The following FBXL7 variants were observed in gnomAD, a reference collection of about 807,000 sequenced individuals.
FBXL7 encodes F-box and leucine rich repeat protein 7, also known as F-box/LRR-repeat protein 7.
FBXL7 carries 12 observed loss-of-function variants against 38.3 expected under a neutral mutation model. The observed-to-expected ratio is 0.31, with a 90% CI of 0.20 to 0.51. The LOEUF is 0.51. FBXL7 is among the 20% of genes least tolerant of loss of function. The pLI is 0.98. For missense variants in FBXL7, 567 were observed against 676.4 expected, an observed-to-expected ratio of 0.84 and a Z score of 1.79; for synonymous variants, 297 against 300.9, an observed-to-expected ratio of 0.99 and a Z score of 0.13.
chr5:15,793,698 C>G (rs1012237062), intron 2 of FBXL7, among the ~76,000 whole-genome samples: 2 of 152,116 alleles, frequency 1.3e-5, no homozygotes, highest in Admixed American at 6.5e-5. Flanking sequence ...CCTGCCTAGA[C>G]TGATTTCTTA....
chr5:15,787,625 C>G (rs1737165441), intron 2 of FBXL7, among the ~76,000 whole-genome samples: 1 of 152,170 alleles, frequency 6.6e-6, no homozygotes, highest in Admixed American at 6.5e-5. Flanking sequence ...CTGTTGTTAG[C>G]TTTAAATTAT....
At chr5:15,817,081 C>G (rs1738035249) in intron 2 of FBXL7, among the ~76,000 whole-genome samples, 1 of 152,158 alleles carries the variant, frequency 6.6e-6, no homozygotes, top group African/African-American at 2.4e-5. Flanking sequence ...CCAGATTCTA[C>G]TATAAACTTT....
In FBXL7 at chr5:15,702,900, A is replaced by G. The variant is rs561684831; in HGVS notation, c.127+86828A>G. The stretch of plus-strand genomic sequence containing the variant: ...AGATTTGGGTAGGTAAAGGAAAATT[A>G]CAGTCAAAGGGGGGTTGTTCTCTGG... On this transcript the variant is annotated intron_variant, in intron 2 of 3. Coordinates refer to ENST00000504595, the MANE Select transcript of FBXL7 (RefSeq NM_012304.5). Among the ~76,000 whole-genome samples the G allele has an allele frequency of 5.0e-3, 766 of 152,184 alleles. 5 individuals carry two copies. The highest frequency in any genetic ancestry group is 0.031 in the South Asian group (149 of 4,812).
chr5:15,558,894 A>G (rs1738328482), intron 1 of FBXL7, among the ~76,000 whole-genome samples: 2 of 152,294 alleles, frequency 1.3e-5, no homozygotes, highest in African/African-American at 4.8e-5. Context: ...CTGGGCTGTT[A>G]GTGTCAAATC....
At chr5:15,692,696 G>A (rs190783331) in intron 2 of FBXL7, among the ~76,000 whole-genome samples, 18 of 152,262 alleles carry the variant, frequency 1.2e-4, no homozygotes, top group African/African-American at 4.1e-4. Context: ...AAATGATCTT[G>A]GGGTCACAGC....
chr5:15,927,488 C>G (rs1327363501), intron 2 of FBXL7, among the ~76,000 whole-genome samples: 4 of 152,138 alleles, frequency 2.6e-5, no homozygotes, highest in Non-Finnish European at 5.9e-5. Flanking sequence ...GAAACAGGTG[C>G]TGGCCGGGCA....
intron 2 of FBXL7, among the ~76,000 whole-genome samples, chr5:15,644,161 G>T (rs1208385319): frequency 6.6e-6 from 1 of 151,972 alleles, no homozygotes; most frequent in African/African-American, 2.4e-5. Flanking sequence ...CAGCAGCAAT[G>T]TTAAAATGAT....
At chr5:15,545,393 G>A (rs1260036285) in intron 1 of FBXL7, among the ~76,000 whole-genome samples, 2 of 152,196 alleles carry the variant, frequency 1.3e-5, no homozygotes, top group African/African-American at 4.8e-5. Flanking sequence ...GGAGTAATGA[G>A]ACTGAATGCA....
intron 2 of FBXL7, among the ~76,000 whole-genome samples, chr5:15,697,949 C>G (rs1055125523): frequency 3.3e-5 from 5 of 152,170 alleles, no homozygotes; most frequent in Non-Finnish European, 5.9e-5. Flanking sequence ...AGAAATATTC[C>G]TAGTGAGACC....
intron 1 of FBXL7, among the ~76,000 whole-genome samples, chr5:15,576,452 T>C (rs1256415270): frequency 1.3e-5 from 2 of 152,192 alleles, no homozygotes; most frequent in Non-Finnish European, 2.9e-5. Context: ...TTTCCCAGAA[T>C]ATGAAGGGAG....
intron 2 of FBXL7, among the ~76,000 whole-genome samples, chr5:15,803,670 A>T (rs1320489683): frequency 6.6e-6 from 1 of 151,986 alleles, no homozygotes; most frequent in Non-Finnish European, 1.5e-5. Flanking sequence ...TTATTAGATG[A>T]CCTACCTAGC....
chr5:15,500,526 G>T lies in FBXL7; in HGVS notation c.-151G>T. The T allele has an allele frequency of 1.9e-6, 2 of 1,035,302 alleles. No individual in the cohort carries two copies. The highest frequency in any genetic ancestry group is 2.5e-5 in the South Asian group (2 of 79,318). 64.1% of individuals were successfully genotyped at this position (1,035,302 alleles called of 1,614,324 possible). A position where few individuals can be genotyped will look rare whatever the true frequency, so the allele number is the denominator to read the frequency against. ...CAGCACCCCCTCCCACTGGAGTGCGGGGACCTCTCCAGGCCGGAGGTCGGC... is the reference window on the plus strand; with the variant it reads ...CAGCACCCCCTCCCACTGGAGTGCGTGGACCTCTCCAGGCCGGAGGTCGGC... On this transcript the variant is annotated 5_prime_UTR_variant, in exon 1 of 4. Transcript: ENST00000504595.
chr5:15,504,401 T>G (rs1736589139), intron 1 of FBXL7, among the ~76,000 whole-genome samples: 1 of 152,254 alleles, frequency 6.6e-6, no homozygotes, highest in African/African-American at 2.4e-5. Context: ...CTTTTTGATC[T>G]CTCGTCTCTG....
chr5:15,638,882 C>G (rs1368622584), intron 2 of FBXL7, among the ~76,000 whole-genome samples: 2 of 152,066 alleles, frequency 1.3e-5, no homozygotes, highest in African/African-American at 4.8e-5. Flanking sequence ...GAAACTAGAT[C>G]GAGAGTAACA....
Position 15,938,927 on chromosome 5 carries a change from C to T in FBXL7, c.*1741C>T. ...CCCCACCTTTGTTACGTTGAAATCC[C>T]TCATTTATTTTCTTCTCAAAATGCC... is the stretch of plus-strand genomic sequence containing the variant. On this transcript the variant is annotated 3_prime_UTR_variant, in exon 4 of 4. Transcript: ENST00000504595. 2.5e-6 allele frequency: 1 copy of T among 398,924 alleles called. No homozygotes were observed. Among genetic ancestry groups the T allele is most frequent in the Non-Finnish European group, 4.4e-6 (1 of 226,046 alleles). The allele number at this position is 398,924 out of a possible 1,614,324, so 24.7% of individuals were successfully genotyped here. A position where few individuals can be genotyped will look rare whatever the true frequency, so the allele number is the denominator to read the frequency against.
chr5:15,706,673 T>C lies in FBXL7; in HGVS notation c.127+90601T>C, dbSNP rs575528203. Among the ~76,000 whole-genome samples, 5 of 152,242 alleles carry C rather than the reference T, an allele frequency of 3.3e-5. No homozygotes were observed. The South Asian group carries it at 1.0e-3, about 32-fold the overall frequency. ...AGATTTGTAAAATGAAAGGATTTGC[T>C]GTTGGAAAAAACAAAAAAACAAAAG... On this transcript the variant is annotated intron_variant, in intron 2 of 3. Transcript: ENST00000504595.
intron 2 of FBXL7, among the ~76,000 whole-genome samples, chr5:15,797,389 T>C (rs2126737440): frequency 6.6e-6 from 1 of 152,370 alleles, no homozygotes; most frequent in South Asian, 2.1e-4. Flanking sequence ...GGTTTGAAAG[T>C]GCTTGGCTTC....
intron 2 of FBXL7, among the ~76,000 whole-genome samples, chr5:15,737,884 G>C (rs1735795200): frequency 6.6e-6 from 1 of 152,160 alleles, no homozygotes; most frequent in Non-Finnish European, 1.5e-5. Flanking sequence ...CTGGACTTCT[G>C]TGTTACCATC....
At chr5:15,689,544 A>G (rs1743120956) in intron 2 of FBXL7, among the ~76,000 whole-genome samples, 1 of 152,170 alleles carries the variant, frequency 6.6e-6, no homozygotes, top group African/African-American at 2.4e-5. Flanking sequence ...TGGGCAAGAT[A>G]TTTACCAACT....
Sources: gnomAD v4.1 joint callset for allele counts (sites outside exome capture counted in the v4.1 genomes callset) on GRCh38, gnomAD v4.1.1 for gene constraint, MANE v1.5 for transcripts, NCBI Gene and HGNC (gene_info 2026-07-23, HGNC 2026-07-21) for gene names.